CCDC172: variants seen among roughly 807,000 people sequenced by gnomAD.
The protein encoded by CCDC172 is coiled-coil domain-containing protein 172.
Under a neutral mutation model 38.0 loss-of-function variants are expected in CCDC172, and 30 were observed. The ratio of observed to expected loss-of-function variants is 0.79; its 90% CI spans 0.59 to 1.07. The LOEUF is 1.07. Ranked by LOEUF, CCDC172 falls within the 50% of genes least tolerant of loss-of-function variation. The probability of loss-of-function intolerance (pLI) is 0.00; values close to 1 mark genes in which losing one functional copy is unlikely to be tolerated. For synonymous variants in CCDC172, 78 were observed against 88.3 expected (o/e 0.88, Z 0.66); for missense variants, 297 against 290.1 (o/e 1.02, Z -0.17).
chr10:116,352,133 A>C (rs1844939093), intron 5 of CCDC172, among the ~76,000 whole-genome samples: 1 of 152,212 alleles, frequency 6.6e-6, no homozygotes, highest in Non-Finnish European at 1.5e-5. Context: ...ATATTTCATT[A>C]AACAGAAGAG....
intron 5 of CCDC172, among the ~76,000 whole-genome samples, chr10:116,352,619 T>C (rs1441150578): frequency 1.3e-5 from 2 of 152,058 alleles, no homozygotes; most frequent in African/African-American, 4.8e-5. Context: ...CTTTCCTCAA[T>C]CTGATAGAGG....
At chr10:116,367,388 G>A (rs1209793622) in intron 7 of CCDC172, among the ~76,000 whole-genome samples, 1 of 152,024 alleles carries the variant, frequency 6.6e-6, no homozygotes, top group Non-Finnish European at 1.5e-5. Flanking sequence ...CAACTATTAT[G>A]TCATATTAAC....
chr10:116,335,471 A>G, intron 3 of CCDC172, among the ~76,000 whole-genome samples: 1 of 131,734 alleles, frequency 7.6e-6, no homozygotes, highest in Admixed American at 8.3e-5. Context: ...GATTCTTTTC[A>G]TAGTTTATAT....
At chr10:116,373,789 G>T (rs182298500) in intron 7 of CCDC172, among the ~76,000 whole-genome samples, 17 of 152,300 alleles carry the variant, frequency 1.1e-4, no homozygotes, top group Non-Finnish European at 2.2e-4. Flanking sequence ...ACAGGCATGA[G>T]CCACTGTGGT....
At chr10:116,364,549 T>C (rs1845100588) in intron 7 of CCDC172, among the ~76,000 whole-genome samples, 1 of 152,104 alleles carries the variant, frequency 6.6e-6, no homozygotes, top group South Asian at 2.1e-4. Context: ...TGAAATGCCC[T>C]GTTATAAGAA....
chr10:116,356,212 C>T (rs1388771789), intron 5 of CCDC172, among the ~76,000 whole-genome samples: 3 of 151,894 alleles, frequency 2.0e-5, no homozygotes, highest in Admixed American at 6.6e-5. Context: ...CACCTGTAAT[C>T]GCAGCTGCTT....
At chr10:116,334,103 T>C (rs1844700617) in intron 3 of CCDC172, among the ~76,000 whole-genome samples, 2 of 152,310 alleles carry the variant, frequency 1.3e-5, no homozygotes, top group East Asian at 1.9e-4. Flanking sequence ...CCAAGAGAGA[T>C]AGAGGAAGGA....
intron 1 of CCDC172, 135 bp from the exon 2 acceptor site, chr10:116,324,812 C>T: frequency 1.7e-6 from 1 of 592,602 alleles, no homozygotes; most frequent in Admixed American, 3.0e-5. Flanking sequence ...GGCCAGCGTC[C>T]CTAGACCCTC....
intron 7 of CCDC172, among the ~76,000 whole-genome samples, chr10:116,370,742 A>G (rs986314255): frequency 1.3e-5 from 2 of 151,756 alleles, no homozygotes; most frequent in African/African-American, 2.4e-5. Flanking sequence ...TTTAGGATCA[A>G]TTTGCCTAGC....
At chr10:116,332,297 G>A (rs1258535679) in intron 3 of CCDC172, among the ~76,000 whole-genome samples, 1 of 151,952 alleles carries the variant, frequency 6.6e-6, no homozygotes, top group Non-Finnish European at 1.5e-5. Context: ...TCTTTGTTTG[G>A]AGTAGAAAGT....
chr10:116,325,243 G>C (rs1844576328), intron 2 of CCDC172, 60 bp from the exon 3 acceptor site: 1 of 1,538,148 alleles, frequency 6.5e-7, no homozygotes, highest in African/African-American at 1.4e-5. Context: ...CTTATCAAAC[G>C]CCACCAAAAT....
At chr10:116,373,050 A>G (rs1008590101) in intron 7 of CCDC172, among the ~76,000 whole-genome samples, 3 of 152,180 alleles carry the variant, frequency 2.0e-5, no homozygotes, top group Admixed American at 1.3e-4. Context: ...AAGAAGGACT[A>G]TACCAGATAG....
chr10:116,349,804 G>T (rs2134936907), intron 5 of CCDC172, among the ~76,000 whole-genome samples: 1 of 152,230 alleles, frequency 6.6e-6, no homozygotes, highest in East Asian at 1.9e-4. Context: ...TATGAGAGAG[G>T]GAGGGAGTGG....
chr10:116,334,647 A>G (rs1445509860), intron 3 of CCDC172, among the ~76,000 whole-genome samples: 1 of 152,010 alleles, frequency 6.6e-6, no homozygotes, highest in Non-Finnish European at 1.5e-5. Flanking sequence ...CTATTGTATT[A>G]ATAAATTACT....
In CCDC172 at chr10:116,379,308, A is replaced by G. The variant is rs1845284521; in HGVS notation, c.742-15A>G. The G allele has an allele frequency of 3.2e-6, 5 of 1,539,608 alleles. No individual in the cohort carries two copies. In the African/African-American group the frequency reaches 5.5e-5, roughly 17 times the overall value. On this transcript the variant is annotated splice_polypyrimidine_tract_variant and intron_variant, in intron 8 of 8. Coordinates refer to ENST00000333254, the MANE Select transcript of CCDC172 (RefSeq NM_198515.3). ...TTACTTTTCCTCATGAGTAATTACT[A>G]TGTTTTCTTTTCAGACATTGGCACA... is the stretch of plus-strand genomic sequence containing the variant.
intron 7 of CCDC172, among the ~76,000 whole-genome samples, chr10:116,373,756 T>C (rs1014750923): frequency 6.6e-6 from 1 of 152,114 alleles, no homozygotes; most frequent in Non-Finnish European, 1.5e-5. Flanking sequence ...CTGCCCACCT[T>C]GGCTTCCCAA....
At chr10:116,378,534 C>A in intron 8 of CCDC172, 24 bp downstream of exon 8, 1 of 1,571,616 alleles carries the variant, frequency 6.4e-7, no homozygotes, top group Non-Finnish European at 8.7e-7. Context: ...GATTGTTTAA[C>A]TTTTGTTCAG....
intron 3 of CCDC172, among the ~76,000 whole-genome samples, chr10:116,337,246 C>T (rs1026148445): frequency 1.3e-5 from 2 of 151,876 alleles, no homozygotes; most frequent in South Asian, 2.1e-4. Context: ...CTCTGCCTCC[C>T]GGATTCAAGA....
chr10:116,368,351 A>G lies in CCDC172; in HGVS notation c.654-10072A>G, dbSNP rs375506833. Among the ~76,000 whole-genome samples, 5 of 152,080 alleles carry G rather than the reference A, an allele frequency of 3.3e-5. No individual in the cohort carries two copies. In the East Asian group the frequency reaches 5.8e-4, roughly 18 times the overall value. ...GGCTGCAAAATGGTAATTTCTAATC[A>G]TGGCATTCTTTATGTATTTATTAAT... On this transcript the variant is annotated intron_variant, in intron 7 of 8. Coordinates refer to ENST00000333254, the MANE Select transcript of CCDC172 (RefSeq NM_198515.3).
Sources: gnomAD v4.1 joint callset for allele counts (sites outside exome capture counted in the v4.1 genomes callset) on GRCh38, gnomAD v4.1.1 for gene constraint, MANE v1.5 for transcripts, NCBI Gene and HGNC (gene_info 2026-07-23, HGNC 2026-07-21) for gene names.